Variants in YWHAQ observed in about 807,000 individuals in gnomAD.
YWHAQ encodes 14-3-3 protein theta.
A neutral mutation model predicts 28.3 loss-of-function variants in YWHAQ; 6 were observed. The ratio of observed to expected loss-of-function variants is 0.21; its 90% CI spans 0.12 to 0.42. The LOEUF (loss-of-function observed/expected upper bound fraction) is 0.42. Ranked by LOEUF, YWHAQ falls within the 10% of genes least tolerant of loss-of-function variation. YWHAQ has a pLI of 1.00. For missense variants in YWHAQ, 201 were observed against 305.6 expected, an observed-to-expected ratio of 0.66 and a Z score of 2.55; for synonymous variants, 143 against 119.1, an observed-to-expected ratio of 1.20 and a Z score of -1.31.
chr2:9,606,172 T>C (rs1666824186), intron 2 of YWHAQ, among the ~76,000 whole-genome samples: 1 of 152,226 alleles, frequency 6.6e-6, no homozygotes, highest in Non-Finnish European at 1.5e-5. Context: ...ATTGTTAAAC[T>C]GTCCTTCCTG....
At chr2:9,604,374 A>G (rs138032744) in intron 2 of YWHAQ, among the ~76,000 whole-genome samples, 9 of 152,292 alleles carry the variant, frequency 5.9e-5, no homozygotes, top group South Asian at 2.1e-4. Flanking sequence ...AAAGAGAACT[A>G]AAGACACCAA....
chr2:9,608,588 TAAAC>T (rs1297774336), intron 2 of YWHAQ, among the ~76,000 whole-genome samples: 1 of 152,166 alleles, frequency 6.6e-6, no homozygotes, highest in African/African-American at 2.4e-5. Context: ...AACTACTGTG[TAAAC>T]AGAGAGATTC....
intron 2 of YWHAQ, among the ~76,000 whole-genome samples, chr2:9,593,720 T>C (rs994211441): frequency 6.6e-6 from 1 of 151,368 alleles, no homozygotes; most frequent in South Asian, 2.1e-4. Context: ...CCCAGCTACT[T>C]GGAAGGCTGA....
At chr2:9,627,705 C>T (rs984287322) in intron 2 of YWHAQ, among the ~76,000 whole-genome samples, 1 of 152,156 alleles carries the variant, frequency 6.6e-6, no homozygotes, top group African/African-American at 2.4e-5. Context: ...TTCCCATGAA[C>T]CAAATGAAGA....
chr2:9,597,983 C>CTGTTTTTTTTT (rs1558543507), intron 2 of YWHAQ, among the ~76,000 whole-genome samples: 1 of 79,090 alleles, frequency 1.3e-5, no homozygotes, highest in African/African-American at 8.3e-5. Context: ...CCATGCCGGG[C>CTGTTTTTTTTT]TATTTTTTTT....
rs561365922 is a variant in YWHAQ at position 9,623,451 on chromosome 2, T to C, written c.294+6708A>G. 5.9e-5 allele frequency among the ~76,000 whole-genome samples: 9 copies of C among 152,260 alleles called. 1 individual carries two copies. Among genetic ancestry groups the C allele is most frequent in the Admixed American group, 3.3e-4 (5 of 15,298 alleles). On this transcript the variant is annotated intron_variant, in intron 2 of 5. Coordinates refer to ENST00000238081, the MANE Select transcript of YWHAQ (RefSeq NM_006826.4). ...TTCCCAGGGGTTGTTTGGAGAAAAA[T>C]TGTTGACAGTGTTCACCACTGCATT...
intron 2 of YWHAQ, among the ~76,000 whole-genome samples, chr2:9,620,313 T>C (rs560206873): frequency 2.0e-4 from 30 of 152,248 alleles, no homozygotes; most frequent in Non-Finnish European, 3.7e-4. Context: ...CTGGATACTG[T>C]AGTAAAAATC....
intron 2 of YWHAQ, among the ~76,000 whole-genome samples, chr2:9,608,502 T>C (rs1036740016): frequency 6.6e-6 from 1 of 152,214 alleles, no homozygotes; most frequent in Non-Finnish European, 1.5e-5. Flanking sequence ...GTTTATTTCA[T>C]GCATGATGTA....
intron 2 of YWHAQ, among the ~76,000 whole-genome samples, chr2:9,623,134 G>C (rs1667174226): frequency 6.6e-6 from 1 of 152,188 alleles, no homozygotes; most frequent in African/African-American, 2.4e-5. Context: ...AAAAATACTA[G>C]TTTTCTTAAG....
At chr2:9,598,243 C>T (rs949777938) in intron 2 of YWHAQ, among the ~76,000 whole-genome samples, 1 of 152,152 alleles carries the variant, frequency 6.6e-6, no homozygotes, top group Non-Finnish European at 1.5e-5. Flanking sequence ...CAGATCCTTA[C>T]ATCCTTGTAT....
At chr2:9,623,492 G>A (rs775236761) in intron 2 of YWHAQ, among the ~76,000 whole-genome samples, 14 of 152,314 alleles carry the variant, frequency 9.2e-5, no homozygotes, top group East Asian at 1.9e-4. Flanking sequence ...TCTGAACCAC[G>A]GCCGGGTGCA....
chr2:9,590,826 C>A (rs1481569782), intron 3 of YWHAQ, among the ~76,000 whole-genome samples: 1 of 152,148 alleles, frequency 6.6e-6, no homozygotes, highest in Non-Finnish European at 1.5e-5. Context: ...AACCATGAGT[C>A]ATTCAAACTT....
At chr2:9,604,129 G>C (rs1474951830) in intron 2 of YWHAQ, among the ~76,000 whole-genome samples, 4 of 152,104 alleles carry the variant, frequency 2.6e-5, no homozygotes, top group Non-Finnish European at 5.9e-5. Context: ...CCCCACCTGA[G>C]CAGAAACACT....
rs35425869 is a variant in YWHAQ at position 9,596,702 on chromosome 2, AT to A, written c.295-5188del. Among the ~76,000 whole-genome samples, 104 of 149,878 alleles carry A rather than the reference AT, an allele frequency of 6.9e-4. 1 individual carries two copies. The East Asian group carries it at 8.6e-3, about 12-fold the overall frequency. On this transcript the variant is annotated intron_variant, in intron 2 of 5. Coordinates refer to ENST00000238081, the MANE Select transcript of YWHAQ (RefSeq NM_006826.4). ...AGATAAAGCCAAATCTAAGCTAGAGATTTTTTTTTTCCCCCTTGAGACCGAG... is the reference window on the plus strand; with the variant it reads ...AGATAAAGCCAAATCTAAGCTAGAGATTTTTTTTTCCCCCTTGAGACCGAG...
At chr2:9,598,087 G>C (rs1666615143) in intron 2 of YWHAQ, among the ~76,000 whole-genome samples, 2 of 145,818 alleles carry the variant, frequency 1.4e-5, no homozygotes, top group African/African-American at 5.1e-5. Context: ...GCCTGCCTTG[G>C]CCTCCCAATG....
At chr2:9,614,059 A>G (rs1666999848) in intron 2 of YWHAQ, among the ~76,000 whole-genome samples, 1 of 152,210 alleles carries the variant, frequency 6.6e-6, no homozygotes, top group Non-Finnish European at 1.5e-5. Context: ...CAATAAACAT[A>G]ATGTCCAGTC....
chr2:9,628,691 G>A (rs1667294170), intron 2 of YWHAQ: 1 of 152,176 alleles, frequency 6.6e-6, no homozygotes, highest in South Asian at 2.1e-4. Flanking sequence ...TCAAGTTGAA[G>A]TCTACCACTA....
Position 9,630,125 on chromosome 2 carries a change from A to G in YWHAQ, c.294+34T>C, listed in dbSNP as rs1220924421. On this transcript the variant is annotated intron_variant, in intron 2 of 5. Transcript: ENST00000238081. The surrounding 1 kb of genome is among the most constrained non-coding windows in gnomAD (Gnocchi z 5.6). ...ACTCTCAATGAAAAGCATCTCACAA[A>G]AGGCCTCCCCTGCTCCCCGCGCCGA... The G allele has an allele frequency of 1.9e-6, 3 of 1,585,512 alleles. No individual in the cohort carries two copies. In the South Asian group the frequency reaches 3.4e-5, roughly 18 times the overall value.
rs562815001 is a variant in YWHAQ at position 9,628,469 on chromosome 2, G to A, written c.294+1690C>T. On this transcript the variant is annotated intron_variant, in intron 2 of 5. Coordinates refer to ENST00000238081, the MANE Select transcript of YWHAQ (RefSeq NM_006826.4). ...ACAAAATAAAACGAATATTCCTTTGGCTCAGAGTCACCTTGCTCGAGAACA... is the reference window on the plus strand; with the variant it reads ...ACAAAATAAAACGAATATTCCTTTGACTCAGAGTCACCTTGCTCGAGAACA... 2.0e-5 allele frequency among the ~76,000 whole-genome samples: 3 copies of A among 152,286 alleles called. No homozygotes were observed. The East Asian group carries it at 5.8e-4, about 29-fold the overall frequency.
Sources: gnomAD v4.1 joint callset for allele counts (sites outside exome capture counted in the v4.1 genomes callset) on GRCh38, gnomAD v4.1.1 for gene constraint, Gnocchi (gnomAD v3.1) non-coding constraint, MANE v1.5 for transcripts, NCBI Gene and HGNC (gene_info 2026-07-23, HGNC 2026-07-21) for gene names.